PI16: variants seen among roughly 807,000 people sequenced by gnomAD.
PI16 encodes peptidase inhibitor 16, also known as PSP94-binding protein.
In PI16, 35 loss-of-function variants were observed where a neutral mutation model predicts 38.0. The ratio of observed to expected loss-of-function variants is 0.92; its 90% CI spans 0.70 to 1.22. The LOEUF (loss-of-function observed/expected upper bound fraction) is 1.22. Ranked by LOEUF, PI16 falls within the 50% of genes most tolerant of loss-of-function variation. The pLI, the probability that PI16 is intolerant of heterozygous loss-of-function variation, is 0.00. For missense variants in PI16, 572 were observed against 593.8 expected (o/e 0.96, Z 0.38); for synonymous variants, 275 against 252.9 (o/e 1.09, Z -0.83).
chr6:36,960,642 A>ACC (rs5875563), intron 2 of PI16, among the ~76,000 whole-genome samples: 35 of 41,076 alleles, frequency 8.5e-4, no homozygotes, highest in Non-Finnish European at 1.4e-3. Context: ...CTCTCCCTCC[A>ACC]CCCCCCCCCT....
chr6:36,959,146 G>A lies in PI16; in HGVS notation c.173G>A (p.Arg58Lys), dbSNP rs1763279185. The change falls in exon 2 of 7, where the codon AGA becomes AAA. Residue 58 changes from arginine to lysine, a missense_variant and splice_region_variant. Arg to Lys is a conservative substitution (Grantham distance 26, BLOSUM62 2). Transcript: ENST00000373674. ...TCCCTTCTCTCACCTGCCCTGCAGA[G>A]ATGGGACGAGGAGCTGGCCGCCTTC... ...SPTASDMLHM[R>K]WDEELAAFAK... The A allele has an allele frequency of 6.2e-7, 1 of 1,607,074 alleles. No individual in the cohort carries two copies. The highest frequency in any genetic ancestry group is 8.5e-7 in the Non-Finnish European group (1 of 1,177,644).
chr6:36,954,613 A>G, upstream of PI16: 1 of 1,337,968 alleles, frequency 7.5e-7, no homozygotes, highest in Non-Finnish European at 1.0e-6. Context: ...CAAAGCGCCC[A>G]GCCCTCCCTG....
upstream of PI16, among the ~76,000 whole-genome samples, chr6:36,950,469 G>T (rs1367295230): frequency 6.6e-6 from 1 of 151,704 alleles, no homozygotes; most frequent in Non-Finnish European, 1.5e-5. The surrounding 1 kb of genome is among the most constrained non-coding windows in gnomAD (Gnocchi z 4.2). Flanking sequence ...TGAACATTTG[G>T]GTTGTTTCCA....
upstream of PI16, among the ~76,000 whole-genome samples, chr6:36,952,156 G>A (rs2150732834): frequency 6.6e-6 from 1 of 151,972 alleles, no homozygotes; most frequent in South Asian, 2.1e-4. Flanking sequence ...ACCACACCCA[G>A]CTAATTTTTG....
At chr6:36,957,199 G>A (rs1417498798) in intron 1 of PI16, among the ~76,000 whole-genome samples, 1 of 152,128 alleles carries the variant, frequency 6.6e-6, no homozygotes, top group African/African-American at 2.4e-5. Context: ...TCTGGCCCCT[G>A]CCTATCTCTC....
At position 36,959,228 on chromosome 6, in the gene PI16, C is replaced by T; in HGVS notation, c.255C>T (p.Arg85=). The T allele has an allele frequency of 1.2e-6, 2 of 1,609,714 alleles. No individual in the cohort carries two copies. Among genetic ancestry groups the T allele is most frequent in the Non-Finnish European group, 1.7e-6 (2 of 1,178,622 alleles). Residue 85 remains arginine, a synonymous_variant, in exon 2 of 7, where the codon CGC becomes CGT. Transcript: ENST00000373674. ...GCCACAACAAGGAGCGCGGGCGCCG[C>T]GGCGAGAATCTGTTCGCCATCACAG... is the stretch of plus-strand genomic sequence containing the variant. ...VWGHNKERGR[R]GENLFAITDE...
chr6:36,958,386 C>T (rs983426070), intron 1 of PI16, among the ~76,000 whole-genome samples: 1 of 152,204 alleles, frequency 6.6e-6, no homozygotes, highest in Non-Finnish European at 1.5e-5. Flanking sequence ...GCAAAGGCCC[C>T]GAACCTAAAA....
At chr6:36,951,825 G>A (rs560936648), upstream of PI16, among the ~76,000 whole-genome samples, 23 of 152,090 alleles carry the variant, frequency 1.5e-4, no homozygotes, top group South Asian at 4.2e-4. Context: ...ACTTGAACCC[G>A]GGAGGCGGAG....
At chr6:36,954,691 C>T, upstream of PI16, 3 of 1,534,802 alleles carry the variant, frequency 2.0e-6, no homozygotes, top group South Asian at 3.8e-5. Context: ...CAGGGTGGTG[C>T]TTGTGTGGGA....
At chr6:36,963,748 C>T in intron 5 of PI16, 75 bp from the exon 6 acceptor site, 3 of 1,531,960 alleles carry the variant, frequency 2.0e-6, no homozygotes, top group Non-Finnish European at 2.6e-6. Flanking sequence ...TGCCCCACCT[C>T]CTTGCATGGT....
intron 2 of PI16, among the ~76,000 whole-genome samples, chr6:36,960,707 G>T (rs1763341088): frequency 6.7e-6 from 1 of 148,592 alleles, no homozygotes; most frequent in Non-Finnish European, 1.5e-5. Context: ...ACCCAGCAGG[G>T]AGTGAGTCAG....
Position 36,962,136 on chromosome 6 carries a change from G to A in PI16, c.592+162G>A, listed in dbSNP as rs968833277. 6.6e-6 allele frequency among the ~76,000 whole-genome samples: 1 copy of A among 152,284 alleles called. No homozygotes were observed. The highest frequency in any genetic ancestry group is 1.5e-5 in the Non-Finnish European group (1 of 68,018). On this transcript the variant is annotated intron_variant, in intron 4 of 6. Coordinates refer to ENST00000373674, the MANE Select transcript of PI16 (RefSeq NM_153370.3). This position sits in a 1 kb window ranked among gnomAD's most constrained non-coding sequence, Gnocchi z 4.1. ...CCTGGCGGCTCCCTTAGCCCCCCAC[G>A]CGCAGCCACTTTGGCGCCCTGTCGT...
Position 36,963,002 on chromosome 6 carries a change from G to T in PI16, c.660G>T (p.Arg220=), listed in dbSNP as rs1763414249. ...PYLVTEAPSF[R]ATEASDSRKM... ...TGGTAACTGAGGCCCCATCCTTCCG[G>T]GCGACTGAAGCATCAGACTCTAGGA... Residue 220 remains arginine, a synonymous_variant, in exon 5 of 7, where the codon CGG becomes CGT. Transcript: ENST00000373674. 6.2e-7 allele frequency: 1 copy of T among 1,614,184 alleles called. No individual in the cohort carries two copies. The highest frequency in any genetic ancestry group is 8.5e-7 in the Non-Finnish European group (1 of 1,180,030).
At chr6:36,953,525 T>C (rs1033015540), upstream of PI16, among the ~76,000 whole-genome samples, 2 of 152,116 alleles carry the variant, frequency 1.3e-5, no homozygotes, top group Non-Finnish European at 2.9e-5. Flanking sequence ...AATAAGTGTG[T>C]GTGTGTGTGT....
Position 36,962,915 on chromosome 6 carries a change from G to A in PI16, c.593-20G>A, listed in dbSNP as rs745763405. On this transcript the variant is annotated intron_variant, in intron 4 of 6. Transcript: ENST00000373674. This position sits in a 1 kb window ranked among gnomAD's most constrained non-coding sequence, Gnocchi z 4.1. ...GGTCCTGCTTGCAGCACTCATGCCC[G>A]TTCTCGTCTGTCTTATCAGAACCCA... is the stretch of plus-strand genomic sequence containing the variant. The A allele has an allele frequency of 3.8e-6, 6 of 1,588,472 alleles. No individual in the cohort carries two copies. In the Admixed American group the frequency reaches 7.0e-5, roughly 19 times the overall value.
rs543151815 is a variant in PI16, at chr6:36,964,091, C to T, written c.*18+129C>T. 2.0e-5 allele frequency: 23 copies of T among 1,154,082 alleles called. No homozygotes were observed. The African/African-American group carries it at 3.3e-4, about 16-fold the overall frequency. 71.5% of individuals were successfully genotyped at this position (1,154,082 alleles called of 1,614,324 possible). A position where few individuals can be genotyped will look rare whatever the true frequency, so the allele number is the denominator to read the frequency against. On this transcript the variant is annotated intron_variant, in intron 6 of 6. Coordinates refer to ENST00000373674, the MANE Select transcript of PI16 (RefSeq NM_153370.3). ...AGCCCCCCTTCACCCCAACTTCTGG[C>T]CAGATTCCAGGCCAGCACTCTTGTC...
intron 2 of PI16, 128 bp downstream of exon 2, chr6:36,959,494 C>A: frequency 1.1e-6 from 1 of 888,336 alleles, no homozygotes. Flanking sequence ...GCGGGCTTCA[C>A]TCCAAGCCCC....
upstream of PI16, chr6:36,954,512 A>G: frequency 4.0e-6 from 2 of 499,176 alleles, no homozygotes; most frequent in Non-Finnish European, 7.1e-6. Flanking sequence ...TTAGGAACTC[A>G]CACAGCTTTT....
chr6:36,958,981 C>G (rs1330676085), intron 1 of PI16, among the ~76,000 whole-genome samples, 164 bp from the exon 2 acceptor site: 2 of 152,134 alleles, frequency 1.3e-5, no homozygotes, highest in Non-Finnish European at 2.9e-5. Context: ...CCTTCACCGC[C>G]CCACAGACGC....
Sources: allele counts gnomAD v4.1 joint callset (sites outside exome capture counted in the v4.1 genomes callset), GRCh38; gene constraint gnomAD v4.1.1; non-coding constraint Gnocchi (gnomAD v3.1); transcripts MANE v1.5; gene names NCBI Gene and HGNC (gene_info 2026-07-23, HGNC 2026-07-21).